Variants in SPINK5 observed in about 807,000 individuals in gnomAD.
SPINK5 encodes serine peptidase inhibitor Kazal type 5, also known as serine protease inhibitor Kazal-type 5.
Under a neutral mutation model 151.8 loss-of-function variants are expected in SPINK5, and 125 were observed. The ratio of observed to expected loss-of-function variants is 0.82; its 90% CI spans 0.71 to 0.96. The LOEUF is 0.96. SPINK5 is among the 40% of genes least tolerant of loss of function. The pLI is 0.00. For missense variants in SPINK5, 1,194 were observed against 1,291.9 expected, an observed-to-expected ratio of 0.92 and a Z score of 1.16; for synonymous variants, 374 against 395.3, an observed-to-expected ratio of 0.95 and a Z score of 0.64.
intron 7 of SPINK5, among the ~76,000 whole-genome samples, chr5:148,090,422 C>T (rs916212298): frequency 6.6e-6 from 1 of 151,694 alleles, no homozygotes; most frequent in African/African-American, 2.4e-5. Context: ...GGAAATCAGC[C>T]TGATTTCCAC....
chr5:148,068,548 C>A (rs555819747), intron 2 of SPINK5, among the ~76,000 whole-genome samples: 26 of 115,124 alleles, frequency 2.3e-4, no homozygotes, highest in Non-Finnish European at 3.3e-4. Flanking sequence ...TGAGACCCTG[C>A]CTCTCCAAAA....
rs1754328807 is a variant in SPINK5 at position 148,123,411 on chromosome 5, A to ATGT, written c.2539-421_2539-420insGTT. Among the ~76,000 whole-genome samples the ATGT allele has an allele frequency of 2.0e-4, 7 of 35,168 alleles. No individual in the cohort carries two copies. In the South Asian group the frequency reaches 5.2e-3, roughly 26 times the overall value. 23.1% of individuals were successfully genotyped at this position (35,168 alleles called of 152,430 possible). ...ATATATATATATAGATAGATATAAT[A>ATGT]TATTATATATATAGATATATATTAT... On this transcript the variant is annotated intron_variant, in intron 26 of 32. Transcript: ENST00000256084.
intron 4 of SPINK5, among the ~76,000 whole-genome samples, chr5:148,084,440 A>G (rs1753100936): frequency 6.6e-6 from 1 of 151,816 alleles, no homozygotes; most frequent in Non-Finnish European, 1.5e-5. Context: ...GTGATCCACC[A>G]CCTAGGGGTT....
intron 11 of SPINK5, 80 bp downstream of exon 11, chr5:148,098,074 G>C: frequency 7.4e-7 from 1 of 1,350,692 alleles, no homozygotes; most frequent in Non-Finnish European, 1.0e-6. Flanking sequence ...TTCATAGATG[G>C]GGAGACTGTG....
intron 5 of SPINK5, among the ~76,000 whole-genome samples, chr5:148,087,754 G>A (rs939713642): frequency 1.3e-5 from 2 of 151,684 alleles, no homozygotes; most frequent in Non-Finnish European, 2.9e-5. Flanking sequence ...ATATTTCTTT[G>A]TACTATGTAC....
At chr5:148,081,106 CAA>C (rs1207438013) in intron 4 of SPINK5, among the ~76,000 whole-genome samples, 1 of 151,508 alleles carries the variant, frequency 6.6e-6, no homozygotes, top group Admixed American at 6.6e-5. Context: ...ATTATAATCA[CAA>C]AGACAGAAAA....
intron 16 of SPINK5, 23 bp downstream of exon 16, chr5:148,105,023 T>G: frequency 2.5e-6 from 4 of 1,611,090 alleles, no homozygotes; most frequent in Non-Finnish European, 3.4e-6. Context: ...GGAATGCTGA[T>G]GCTGTGCCCT....
intron 17 of SPINK5, 81 bp downstream of exon 17, chr5:148,107,245 G>A: frequency 6.4e-7 from 1 of 1,559,460 alleles, no homozygotes; most frequent in Non-Finnish European, 8.7e-7. Flanking sequence ...TGCATGTGTA[G>A]AGTATAGACC....
chr5:148,102,044 C>A (rs1753661627), intron 15 of SPINK5, 136 bp downstream of exon 15: 2 of 1,285,754 alleles, frequency 1.6e-6, no homozygotes, highest in Non-Finnish European at 2.2e-6. Flanking sequence ...TTTAAATGGA[C>A]TAAAAACAAA....
At chr5:148,084,620 T>C (rs1299564730) in intron 4 of SPINK5, among the ~76,000 whole-genome samples, 2 of 151,926 alleles carry the variant, frequency 1.3e-5, no homozygotes, top group Non-Finnish European at 2.9e-5. Flanking sequence ...AGTTAATTAC[T>C]TTGATCTGTA....
intron 28 of SPINK5, chr5:148,125,041 C>A: frequency 1.4e-6 from 1 of 699,398 alleles, no homozygotes. Context: ...AGAAAATTCT[C>A]TGAGAGTGTG....
chr5:148,068,554 CAAAAAAAAAAAA>C lies in SPINK5; in HGVS notation c.82-1753_82-1742del, dbSNP rs1166912306. Among the ~76,000 whole-genome samples, 8 of 89,220 alleles carry C rather than the reference CAAAAAAAAAAAA, an allele frequency of 9.0e-5. No homozygotes were observed. The South Asian group carries it at 2.2e-3, about 25-fold the overall frequency. 58.5% of individuals were successfully genotyped at this position (89,220 alleles called of 152,430 possible). ...GCGATGTAGTGAGACCCTGCCTCTC[CAAAAAAAAAAAA>C]AAAAAAAAAAAAAAAGAAAGAAAGA... On this transcript the variant is annotated intron_variant, in intron 2 of 32. Coordinates refer to ENST00000256084, the MANE Select transcript of SPINK5 (RefSeq NM_006846.4).
intron 9 of SPINK5, 90 bp from the exon 10 acceptor site, chr5:148,095,728 C>A: frequency 8.8e-7 from 1 of 1,130,316 alleles, no homozygotes; most frequent in Non-Finnish European, 1.3e-6. Context: ...AAACTCAGGA[C>A]AACTTAGATA....
intron 30 of SPINK5, among the ~76,000 whole-genome samples, chr5:148,130,098 A>AT (rs1561708339): frequency 1.3e-5 from 2 of 151,926 alleles, no homozygotes; most frequent in African/African-American, 4.8e-5. Flanking sequence ...ATTTTAAAAA[A>AT]TTTTCTATGC....
chr5:148,125,692 C>T, intron 28 of SPINK5, 31 bp from the exon 29 acceptor site: 1 of 1,614,148 alleles, frequency 6.2e-7, no homozygotes, highest in African/African-American at 1.3e-5. Context: ...AGGGACAAAG[C>T]CATGTTCACT....
rs1753392442 is a variant in SPINK5 at position 148,094,235 on chromosome 5, C to A, written c.667-119C>A. The A allele has an allele frequency of 8.0e-6, 9 of 1,123,692 alleles. No individual in the cohort carries two copies. The South Asian group carries it at 1.2e-4, about 15-fold the overall frequency. 69.6% of individuals were successfully genotyped at this position (1,123,692 alleles called of 1,614,324 possible). ...CTCTGAGCCTAGAGGTTAGAGGCTT[C>A]ACTGAGCTATGATCATTCCCCTGCA... On this transcript the variant is annotated intron_variant, in intron 8 of 32. Coordinates refer to ENST00000256084, the MANE Select transcript of SPINK5 (RefSeq NM_006846.4).
intron 27 of SPINK5, among the ~76,000 whole-genome samples, chr5:148,124,319 A>G (rs900491303): frequency 2.0e-5 from 3 of 152,208 alleles, no homozygotes; most frequent in African/African-American, 7.2e-5. Flanking sequence ...TCAAAGCATT[A>G]TACCTACGTA....
intron 16 of SPINK5, 39 bp downstream of exon 16, chr5:148,105,039 TTTTCA>T: frequency 6.3e-7 from 1 of 1,590,124 alleles, no homozygotes; most frequent in Non-Finnish European, 8.6e-7. Context: ...GCCCTGACAT[TTTTCA>T]TTTCTTTATA....
In SPINK5 at chr5:148,101,360, CAGA is replaced by C. The variant is rs766207258; in HGVS notation, c.1237_1239del (p.Glu413del). 6 of 1,602,900 alleles carry C rather than the reference CAGA, an allele frequency of 3.7e-6. No homozygotes were observed. Among genetic ancestry groups the C allele is most frequent in the Non-Finnish European group, 5.1e-6 (6 of 1,170,948 alleles). Reference sequence around the variant, plus strand: ...TCTTAACCATCCTTTTTTAGCCAAGCAGAAGAAGAAGAAAAGAAAAAGAAGGAA... The same window carrying C: ...TCTTAACCATCCTTTTTTAGCCAAGCAGAAGAAGAAAAGAAAAAGAAGGAA... On this transcript the variant is annotated inframe_deletion, in exon 14 of 33. Coordinates refer to ENST00000256084, the MANE Select transcript of SPINK5 (RefSeq NM_006846.4).
Sources: allele counts gnomAD v4.1 joint callset (sites outside exome capture counted in the v4.1 genomes callset), GRCh38; gene constraint gnomAD v4.1.1; transcripts MANE v1.5; gene names NCBI Gene and HGNC (gene_info 2026-07-23, HGNC 2026-07-21).